Variants in SLC9A9 observed in about 807,000 individuals in gnomAD.
SLC9A9 encodes the protein solute carrier family 9 member A9, also known as sodium/hydrogen exchanger 9.
Under a neutral mutation model 77.8 loss-of-function variants are expected in SLC9A9, and 62 were observed. The ratio of observed to expected loss-of-function variants is 0.80; its 90% confidence interval spans 0.65 to 0.98. The LOEUF (loss-of-function observed/expected upper bound fraction) is 0.98. Among genes scored for constraint, SLC9A9 ranks in the 50% least tolerant of loss-of-function variants. The pLI is 0.00. For synonymous variants in SLC9A9, 320 were observed against 283.5 expected, an observed-to-expected ratio of 1.13 and a Z score of -1.29; for missense variants, 775 against 774.9, an observed-to-expected ratio of 1.00 and a Z score of 0.00.
At chr3:143,431,584 G>A (rs1415240846) in intron 12 of SLC9A9, among the ~76,000 whole-genome samples, 17 of 151,584 alleles carry the variant, frequency 1.1e-4, no homozygotes, top group Non-Finnish European at 2.9e-5. Context: ...CCAGGTTCAG[G>A]CCATTCTCCT....
chr3:143,768,623 G>A (rs774896407), intron 4 of SLC9A9, among the ~76,000 whole-genome samples: 37 of 152,268 alleles, frequency 2.4e-4, no homozygotes, highest in Non-Finnish European at 4.7e-4. Flanking sequence ...CATAGATTAT[G>A]TATAATATGG....
intron 5 of SLC9A9, among the ~76,000 whole-genome samples, chr3:143,653,989 G>T (rs771972528): frequency 6.6e-6 from 1 of 152,178 alleles, no homozygotes; most frequent in East Asian, 1.9e-4. Context: ...CAGCACCCCA[G>T]AGATATTTGA....
At chr3:143,426,860 C>T (rs368614226) in intron 12 of SLC9A9, among the ~76,000 whole-genome samples, 8 of 152,292 alleles carry the variant, frequency 5.3e-5, no homozygotes, top group East Asian at 3.9e-4. Context: ...TTATAATCCA[C>T]AGTTTACAAC....
intron 14 of SLC9A9, among the ~76,000 whole-genome samples, chr3:143,276,084 T>G (rs1938039457): frequency 6.6e-6 from 1 of 152,108 alleles, no homozygotes; most frequent in Non-Finnish European, 1.5e-5. Flanking sequence ...TTCTAATTCC[T>G]CCAGGCAGTT....
At chr3:143,367,401 A>T (rs4839627) in intron 13 of SLC9A9, among the ~76,000 whole-genome samples, 1 of 152,022 alleles carries the variant, frequency 6.6e-6, no homozygotes, top group Non-Finnish European at 1.5e-5. Context: ...CATTTACACC[A>T]ATCCTAGATA....
intron 5 of SLC9A9, among the ~76,000 whole-genome samples, chr3:143,654,533 C>A (rs2038855615): frequency 6.6e-6 from 1 of 152,220 alleles, no homozygotes; most frequent in South Asian, 2.1e-4. Flanking sequence ...TAATCTCTTT[C>A]TCCTTTTTGG....
intron 12 of SLC9A9, among the ~76,000 whole-genome samples, chr3:143,415,496 C>T (rs2034176213): frequency 6.6e-6 from 1 of 152,198 alleles, no homozygotes; most frequent in African/African-American, 2.4e-5. Flanking sequence ...GCTAAATTGA[C>T]TCTGCCTATG....
intron 12 of SLC9A9, among the ~76,000 whole-genome samples, chr3:143,421,776 C>G (rs139801170): frequency 1.3e-5 from 2 of 151,924 alleles, no homozygotes; most frequent in African/African-American, 4.8e-5. Flanking sequence ...GCACAGCAAA[C>G]GAAACTATCA....
intron 12 of SLC9A9, among the ~76,000 whole-genome samples, chr3:143,405,356 G>A (rs937971389): frequency 9.2e-5 from 14 of 152,158 alleles, no homozygotes; most frequent in Non-Finnish European, 1.9e-4. Flanking sequence ...CTCTTGGATT[G>A]ATAATATCTA....
chr3:143,445,886 A>T (rs1301768912), intron 12 of SLC9A9, among the ~76,000 whole-genome samples: 1 of 152,104 alleles, frequency 6.6e-6, no homozygotes, highest in African/African-American at 2.4e-5. Context: ...TGACCATTGG[A>T]CTTAGCAACG....
intron 5 of SLC9A9, among the ~76,000 whole-genome samples, chr3:143,668,720 G>A (rs1161592544): frequency 6.6e-6 from 1 of 152,108 alleles, no homozygotes; most frequent in African/African-American, 2.4e-5. Flanking sequence ...AATCTCTGAA[G>A]GTCACCCACC....
intron 9 of SLC9A9, among the ~76,000 whole-genome samples, chr3:143,548,583 T>C (rs1266345943): frequency 3.3e-5 from 5 of 152,188 alleles, no homozygotes; most frequent in Non-Finnish European, 5.9e-5. Flanking sequence ...CATATGTTCA[T>C]ATACTCTTTA....
At chr3:143,562,948 G>T (rs920497283) in intron 8 of SLC9A9, among the ~76,000 whole-genome samples, 2 of 152,006 alleles carry the variant, frequency 1.3e-5, no homozygotes, top group African/African-American at 2.4e-5. Flanking sequence ...AAAAAATAAT[G>T]ATAAGAGCAT....
intron 14 of SLC9A9, among the ~76,000 whole-genome samples, chr3:143,307,177 T>A (rs2030822859): frequency 6.6e-6 from 1 of 152,222 alleles, no homozygotes; most frequent in Non-Finnish European, 1.5e-5. Flanking sequence ...TCGGTGCCTC[T>A]ATGTTGGCAG....
At chr3:143,442,500 T>C (rs2034762163) in intron 12 of SLC9A9, among the ~76,000 whole-genome samples, 1 of 152,092 alleles carries the variant, frequency 6.6e-6, no homozygotes, top group Admixed American at 6.5e-5. Flanking sequence ...GGCGGGTAGA[T>C]CACCTGAGGT....
At chr3:143,678,012 G>C (rs1000268850) in intron 5 of SLC9A9, among the ~76,000 whole-genome samples, 1 of 152,020 alleles carries the variant, frequency 6.6e-6, no homozygotes, top group African/African-American at 2.4e-5. Flanking sequence ...ATTTTTAGTA[G>C]AGACGGGGTT....
chr3:143,339,813 T>C (rs1304257885), intron 14 of SLC9A9, among the ~76,000 whole-genome samples: 1 of 152,174 alleles, frequency 6.6e-6, no homozygotes, highest in African/African-American at 2.4e-5. Context: ...TTAACAACTG[T>C]TGCTCAATTC....
chr3:143,425,373 A>T (rs923939047), intron 12 of SLC9A9, among the ~76,000 whole-genome samples: 1 of 150,824 alleles, frequency 6.6e-6, no homozygotes, highest in African/African-American at 2.4e-5. Flanking sequence ...CACTGACAAG[A>T]TGTCTGTTAA....
At chr3:143,555,846 T>A (rs1273735256) in intron 8 of SLC9A9, among the ~76,000 whole-genome samples, 2 of 152,224 alleles carry the variant, frequency 1.3e-5, no homozygotes, top group Non-Finnish European at 2.9e-5. Context: ...TGGATGGATA[T>A]GTCATATAAA....
Sources: allele counts gnomAD v4.1 joint callset (sites outside exome capture counted in the v4.1 genomes callset), GRCh38; gene constraint gnomAD v4.1.1; transcripts MANE v1.5; gene names NCBI Gene and HGNC (gene_info 2026-07-23, HGNC 2026-07-21).